RABGAP1L: variants seen among roughly 807,000 people sequenced by gnomAD.
The protein encoded by RABGAP1L is RAB GTPase activating protein 1 like.
In RABGAP1L, 63 loss-of-function variants were observed where a neutral mutation model predicts 137.7. The ratio of observed to expected loss-of-function variants is 0.46; its 90% CI spans 0.37 to 0.56. The LOEUF is 0.56. Ranked by LOEUF, RABGAP1L falls within the 20% of genes least tolerant of loss-of-function variation. The pLI is 0.00. For synonymous variants in RABGAP1L, 431 were observed against 433.7 expected, an observed-to-expected ratio of 0.99 and a Z score of 0.08; for missense variants, 1,095 against 1,244.0, an observed-to-expected ratio of 0.88 and a Z score of 1.80.
intron 18 of RABGAP1L, among the ~76,000 whole-genome samples, chr1:174,782,301 C>A (rs1687077204): frequency 6.6e-6 from 1 of 152,042 alleles, no homozygotes; most frequent in South Asian, 2.1e-4. Context: ...AAGTTGGATT[C>A]CTAGGTATTT....
At position 174,629,627 on chromosome 1, in the gene RABGAP1L, A is replaced by G. The variant is rs1261553526; in HGVS notation, c.1711-7748A>G. 3.3e-5 allele frequency among the ~76,000 whole-genome samples: 5 copies of G among 152,158 alleles called. No homozygotes were observed. In the East Asian group the frequency reaches 9.7e-4, roughly 29 times the overall value. On this transcript the variant is annotated intron_variant, in intron 13 of 25. Coordinates refer to ENST00000681986, the MANE Select transcript of RABGAP1L (RefSeq NM_001366446.1). ...AACCTCCACTTCCCAGGTTCAAGCG[A>G]TTCTCCTGCCTCAGCCTCCTGAGTA... is the stretch of plus-strand genomic sequence containing the variant.
chr1:174,355,144 C>T (rs2148943953), intron 11 of RABGAP1L, among the ~76,000 whole-genome samples: 1 of 152,194 alleles, frequency 6.6e-6, no homozygotes, highest in South Asian at 2.1e-4. Context: ...AATCATACTG[C>T]TATAAAGACA....
intron 19 of RABGAP1L, among the ~76,000 whole-genome samples, chr1:174,822,114 A>T (rs1431208322): frequency 6.6e-6 from 1 of 152,182 alleles, no homozygotes; most frequent in Non-Finnish European, 1.5e-5. Flanking sequence ...TACAAAAATT[A>T]GCCGGGCATG....
At chr1:174,481,842 T>C (rs1481756722) in intron 13 of RABGAP1L, among the ~76,000 whole-genome samples, 7 of 143,550 alleles carry the variant, frequency 4.9e-5, no homozygotes, top group Non-Finnish European at 6.0e-5. Context: ...ACCTGCACAA[T>C]GTGCACATGT....
At chr1:174,396,954 C>T (rs1379212477) in intron 13 of RABGAP1L, among the ~76,000 whole-genome samples, 1 of 142,644 alleles carries the variant, frequency 7.0e-6, no homozygotes. Context: ...GCCTAGGCTA[C>T]ATAGTGAGAC....
intron 19 of RABGAP1L, among the ~76,000 whole-genome samples, chr1:174,937,883 T>TG (rs1207823381): frequency 6.7e-6 from 1 of 149,268 alleles, no homozygotes; most frequent in East Asian, 2.0e-4. Flanking sequence ...CTTTCTTTTT[T>TG]TTGTATTTTA....
At chr1:174,602,164 A>G (rs1002960885) in intron 13 of RABGAP1L, among the ~76,000 whole-genome samples, 4 of 152,144 alleles carry the variant, frequency 2.6e-5, no homozygotes, top group African/African-American at 4.8e-5. Context: ...ATGGGTACCA[A>G]TTTACTCTAT....
chr1:174,287,249 T>A (rs1386078902), intron 10 of RABGAP1L, among the ~76,000 whole-genome samples: 1 of 152,236 alleles, frequency 6.6e-6, no homozygotes, highest in Non-Finnish European at 1.5e-5. Context: ...TTAAATCTTC[T>A]TGATGAATTG....
intron 11 of RABGAP1L, among the ~76,000 whole-genome samples, chr1:174,335,335 T>C (rs1454891573): frequency 6.6e-6 from 1 of 152,218 alleles, no homozygotes; most frequent in Non-Finnish European, 1.5e-5. Context: ...TTCAAGTCAT[T>C]CTAAATTGTC....
intron 14 of RABGAP1L, among the ~76,000 whole-genome samples, chr1:174,675,888 T>A (rs1028151386): frequency 5.3e-5 from 8 of 152,220 alleles, no homozygotes; most frequent in African/African-American, 1.7e-4. Context: ...TGTGAAATTT[T>A]AATAGCCAGA....
chr1:174,863,440 G>T (rs1026012436), intron 19 of RABGAP1L, among the ~76,000 whole-genome samples: 1 of 148,262 alleles, frequency 6.7e-6, no homozygotes, highest in South Asian at 2.2e-4. Context: ...TTTGGAGGCC[G>T]AGGCGGGTGG....
chr1:174,765,412 C>G (rs921091956), intron 18 of RABGAP1L, among the ~76,000 whole-genome samples: 1 of 152,034 alleles, frequency 6.6e-6, no homozygotes, highest in African/African-American at 2.4e-5. Context: ...ATTGGGTTTC[C>G]TGCACTTTTA....
intron 19 of RABGAP1L, among the ~76,000 whole-genome samples, chr1:174,898,449 A>G (rs904267003): frequency 2.6e-5 from 4 of 152,240 alleles, no homozygotes; most frequent in African/African-American, 9.6e-5. Flanking sequence ...TTTGATGATC[A>G]GAATCTGAAC....
chr1:174,448,581 G>C lies in RABGAP1L; in HGVS notation c.1710+54436G>C, dbSNP rs1192778697. 6.2e-7 allele frequency: 1 copy of C among 1,613,832 alleles called. No individual in the cohort carries two copies. Among genetic ancestry groups the C allele is most frequent in the Non-Finnish European group, 8.5e-7 (1 of 1,179,846 alleles). On this transcript the variant is annotated intron_variant, in intron 13 of 25. Coordinates refer to ENST00000681986, the MANE Select transcript of RABGAP1L (RefSeq NM_001366446.1). The surrounding 1 kb of genome is among the most constrained non-coding windows in gnomAD (Gnocchi z 4.2). ...TACAATCAACTGGTCACCCCTTGTC[G>C]CTTGAGAATTTGCATTATTTTGATC...
intron 23 of RABGAP1L, among the ~76,000 whole-genome samples, chr1:174,981,550 C>CT (rs10556099): frequency 0.014 from 905 of 66,392 alleles, 140 homozygotes; most frequent in African/African-American, 0.023. Context: ...GTTTTTCCAT[C>CT]TTTTTTTTTT....
At chr1:174,712,081 C>T (rs918056791) in intron 17 of RABGAP1L, among the ~76,000 whole-genome samples, 1 of 152,156 alleles carries the variant, frequency 6.6e-6, no homozygotes, top group Admixed American at 6.5e-5. Context: ...TGTAAACACG[C>T]CAGTCAGCAC....
chr1:174,815,694 A>G (rs992112688), intron 19 of RABGAP1L, among the ~76,000 whole-genome samples: 1 of 152,262 alleles, frequency 6.6e-6, no homozygotes, highest in Non-Finnish European at 1.5e-5. Context: ...AATAAAGCAC[A>G]TTAGATTGGA....
At chr1:174,384,440 C>G (rs955975056) in intron 12 of RABGAP1L, among the ~76,000 whole-genome samples, 2 of 130,094 alleles carry the variant, frequency 1.5e-5, no homozygotes, top group African/African-American at 5.8e-5. Context: ...AAATAAATGA[C>G]AAAAAAGAAA....
intron 13 of RABGAP1L, among the ~76,000 whole-genome samples, chr1:174,500,403 G>A (rs926303197): frequency 2.0e-5 from 3 of 152,008 alleles, no homozygotes; most frequent in Non-Finnish European, 4.4e-5. Context: ...TAAGTGGAAC[G>A]CTGTTCATTG....
Sources: allele counts gnomAD v4.1 joint callset (sites outside exome capture counted in the v4.1 genomes callset), GRCh38; gene constraint gnomAD v4.1.1; non-coding constraint Gnocchi (gnomAD v3.1); transcripts MANE v1.5; gene names NCBI Gene and HGNC (gene_info 2026-07-23, HGNC 2026-07-21).